TMEM117: variants seen among roughly 807,000 people sequenced by gnomAD.
TMEM117 encodes the protein transmembrane protein 117.
TMEM117 carries 27 observed loss-of-function variants against 52.4 expected under a neutral mutation model. The observed-to-expected ratio is 0.51, with a 90% confidence interval of 0.38 to 0.71. TMEM117 has a LOEUF of 0.71. TMEM117 is among the 30% of genes least tolerant of loss of function. The pLI is 0.00. For synonymous variants in TMEM117, 215 were observed against 206.3 expected (o/e 1.04, Z -0.36); for missense variants, 556 against 630.5 (o/e 0.88, Z 1.26).
In TMEM117 at chr12:43,897,605, G is replaced by A. The variant is rs149532922; in HGVS notation, c.278-46605G>A. Among the ~76,000 whole-genome samples, 4 of 151,906 alleles carry A rather than the reference G, an allele frequency of 2.6e-5. No individual in the cohort carries two copies. The East Asian group carries it at 5.8e-4, about 22-fold the overall frequency. Reference sequence around the variant, plus strand: ...TGGAATTATAGGCGTGAGCCACCGCGCCTGGACTTTTCTTTTTTTAGAGAC... The same window carrying A: ...TGGAATTATAGGCGTGAGCCACCGCACCTGGACTTTTCTTTTTTTAGAGAC... On this transcript the variant is annotated intron_variant, in intron 2 of 7. Coordinates refer to ENST00000266534, the MANE Select transcript of TMEM117 (RefSeq NM_032256.3).
intron 3 of TMEM117, among the ~76,000 whole-genome samples, chr12:43,984,997 C>T (rs1276027139): frequency 6.6e-6 from 1 of 150,628 alleles, no homozygotes; most frequent in African/African-American, 2.5e-5. Context: ...TGCAACTTCT[C>T]TCTTTGAGAT....
intron 2 of TMEM117, among the ~76,000 whole-genome samples, chr12:43,898,347 A>G (rs1053364084): frequency 7.4e-5 from 11 of 149,444 alleles, no homozygotes; most frequent in African/African-American, 2.2e-4. Flanking sequence ...TTCAGGATAT[A>G]TTGTGATTAA....
In TMEM117 at chr12:44,193,573, C is replaced by A. The variant is rs568638930; in HGVS notation, c.511-17717C>A. Among the ~76,000 whole-genome samples the A allele has an allele frequency of 7.2e-5, 11 of 152,112 alleles. No individual in the cohort carries two copies. The South Asian group carries it at 1.2e-3, about 17-fold the overall frequency. ...GAAGCAACTGATATAAGGCCAGGAA[C>A]CTTGAATAGCTACACTCTCACTGAA... On this transcript the variant is annotated intron_variant, in intron 4 of 7. Transcript: ENST00000266534.
intron 3 of TMEM117, among the ~76,000 whole-genome samples, chr12:44,101,173 A>T: frequency 7.7e-6 from 1 of 130,416 alleles, no homozygotes; most frequent in Non-Finnish European, 1.5e-5. Flanking sequence ...TAATACCACC[A>T]AATTAGAGAT....
chr12:44,236,208 C>A (rs576664040), intron 5 of TMEM117, among the ~76,000 whole-genome samples: 6 of 150,230 alleles, frequency 4.0e-5, no homozygotes, highest in Non-Finnish European at 7.4e-5. Flanking sequence ...AGAGAGAGAG[C>A]GCCATTGTGC....
chr12:44,265,246 C>T (rs1336159232), intron 5 of TMEM117, among the ~76,000 whole-genome samples: 1 of 152,074 alleles, frequency 6.6e-6, no homozygotes, highest in Non-Finnish European at 1.5e-5. Flanking sequence ...GATCCAGAAA[C>T]AAAGGAAGGG....
intron 3 of TMEM117, among the ~76,000 whole-genome samples, chr12:44,006,346 C>T (rs558759665): frequency 3.2e-4 from 48 of 152,258 alleles, no homozygotes; most frequent in African/African-American, 8.4e-4. Context: ...TCCCTTGCTA[C>T]TTGTAATTCC....
intron 3 of TMEM117, among the ~76,000 whole-genome samples, chr12:44,097,630 C>T (rs2138064355): frequency 6.6e-6 from 1 of 151,180 alleles, no homozygotes; most frequent in African/African-American, 2.4e-5. Context: ...AAACCAAACA[C>T]CGCATGTTCT....
chr12:43,932,135 G>T (rs1334635879), intron 2 of TMEM117, among the ~76,000 whole-genome samples: 1 of 151,986 alleles, frequency 6.6e-6, no homozygotes, highest in Admixed American at 6.6e-5. Flanking sequence ...TTAAGAATTT[G>T]CCATATGAGT....
At chr12:44,360,550 A>C (rs1426382924) in intron 6 of TMEM117, among the ~76,000 whole-genome samples, 1 of 151,640 alleles carries the variant, frequency 6.6e-6, no homozygotes, top group Non-Finnish European at 1.5e-5. Flanking sequence ...CTGGGTGACA[A>C]AGTGAGACTC....
In TMEM117 at chr12:44,310,939, T is replaced by G. The variant is rs571364899; in HGVS notation, c.768+11200T>G. On this transcript the variant is annotated intron_variant, in intron 6 of 7. Transcript: ENST00000266534. ...TATGATTTCTCAGCTCTCATGTAAC[T>G]CTGGTAATAAGTGAATGTTTGCTAT... 3.3e-5 allele frequency among the ~76,000 whole-genome samples: 5 copies of G among 152,230 alleles called. No homozygotes were observed. In the South Asian group the frequency reaches 1.0e-3, roughly 32 times the overall value.
At chr12:43,839,710 A>G (rs1034024815) in intron 1 of TMEM117, among the ~76,000 whole-genome samples, 1 of 152,256 alleles carries the variant, frequency 6.6e-6, no homozygotes, top group Non-Finnish European at 1.5e-5. Flanking sequence ...TATCAGATGC[A>G]TGGCAACAGG....
chr12:44,323,735 G>T (rs1238017087), intron 6 of TMEM117, among the ~76,000 whole-genome samples: 1 of 152,262 alleles, frequency 6.6e-6, no homozygotes, highest in Non-Finnish European at 1.5e-5. Flanking sequence ...TTTAAGAATA[G>T]ATTTCTTACC....
At chr12:44,212,775 T>C (rs1004822511) in intron 5 of TMEM117, among the ~76,000 whole-genome samples, 1 of 152,066 alleles carries the variant, frequency 6.6e-6, no homozygotes, top group African/African-American at 2.4e-5. Context: ...ATCTGTTTAT[T>C]CTTGGATTTA....
intron 2 of TMEM117, among the ~76,000 whole-genome samples, chr12:43,915,127 C>T (rs1944579422): frequency 6.6e-6 from 1 of 152,178 alleles, no homozygotes; most frequent in African/African-American, 2.4e-5. Context: ...AGTGTTAGTT[C>T]TTTCCAGGCA....
At chr12:44,168,386 A>G (rs1207628648) in intron 4 of TMEM117, among the ~76,000 whole-genome samples, 2 of 152,210 alleles carry the variant, frequency 1.3e-5, no homozygotes, top group African/African-American at 2.4e-5. Flanking sequence ...GTGAAAACCC[A>G]TGGTTAACTT....
At chr12:43,914,249 A>G (rs10785466) in intron 2 of TMEM117, among the ~76,000 whole-genome samples, 108,919 of 151,920 alleles carry the variant, frequency 0.72, 42,152 homozygotes, top group East Asian at 0.87. Flanking sequence ...TTGAGTTACT[A>G]AACTTTCTCT....
chr12:43,857,534 T>G (rs1943422135), intron 2 of TMEM117, among the ~76,000 whole-genome samples: 1 of 152,228 alleles, frequency 6.6e-6, no homozygotes, highest in African/African-American at 2.4e-5. Flanking sequence ...TAGTGAGATG[T>G]AACCAGCCAG....
chr12:43,799,432 G>A, the TMEM117 span: 3 of 1,609,916 alleles, frequency 1.9e-6, no homozygotes, highest in Non-Finnish European at 2.5e-6. Flanking sequence ...TTCTTCCTCA[G>A]CTGCAGTCAG....
Sources: allele counts gnomAD v4.1 joint callset (sites outside exome capture counted in the v4.1 genomes callset), GRCh38; gene constraint gnomAD v4.1.1; transcripts MANE v1.5; gene names NCBI Gene and HGNC (gene_info 2026-07-23, HGNC 2026-07-21).